KIAA1328: variants seen among roughly 807,000 people sequenced by gnomAD.
The protein encoded by KIAA1328 is KIAA1328.
In KIAA1328, 52 loss-of-function variants were observed where a neutral mutation model predicts 68.1. That is an observed-to-expected ratio of 0.76 (90% confidence interval 0.61 to 0.96). The LOEUF is 0.96. Ranked by LOEUF, KIAA1328 falls within the 40% of genes least tolerant of loss-of-function variation. KIAA1328 has a pLI of 0.00. For missense variants in KIAA1328, 641 were observed against 677.6 expected (o/e 0.95, Z 0.60); for synonymous variants, 232 against 239.4 (o/e 0.97, Z 0.28).
At chr18:37,110,975 A>G (rs1458907307) in intron 7 of KIAA1328, among the ~76,000 whole-genome samples, 2 of 152,138 alleles carry the variant, frequency 1.3e-5, no homozygotes, top group Admixed American at 6.5e-5. Flanking sequence ...GCAATTTGGC[A>G]TTGTGTCCTT....
chr18:36,946,766 T>C (rs577978273), intron 5 of KIAA1328, among the ~76,000 whole-genome samples: 18 of 152,318 alleles, frequency 1.2e-4, no homozygotes, highest in Non-Finnish European at 2.1e-4. Flanking sequence ...TATACTGAGC[T>C]ATTCAAAGAT....
In KIAA1328 at chr18:37,223,961, T is replaced by TA; in HGVS notation, c.*1734_*1735insA. Reference sequence around the variant, plus strand: ...TTGGAAAATCATTACAGATTAAAATTTCTTTATAAAGTTCACCTCTGAGAG... The same window carrying TA: ...TTGGAAAATCATTACAGATTAAAATTATCTTTATAAAGTTCACCTCTGAGAG... On this transcript the variant is annotated 3_prime_UTR_variant, in exon 10 of 10. Coordinates refer to ENST00000280020, the MANE Select transcript of KIAA1328 (RefSeq NM_020776.3). The TA allele has an allele frequency of 3.0e-6, 3 of 985,340 alleles. No individual in the cohort carries two copies. The highest frequency in any genetic ancestry group is 3.6e-6 in the Non-Finnish European group (3 of 829,840). 61.0% of individuals were successfully genotyped at this position (985,340 alleles called of 1,614,324 possible).
intron 1 of KIAA1328, among the ~76,000 whole-genome samples, chr18:36,830,485 C>T (rs936046600): frequency 2.6e-5 from 4 of 152,068 alleles, no homozygotes; most frequent in Non-Finnish European, 5.9e-5. Context: ...AGAAACACTG[C>T]TTCTGCATTG....
At chr18:36,967,881 AAAG>A (rs2052008219) in intron 6 of KIAA1328, among the ~76,000 whole-genome samples, 1 of 152,222 alleles carries the variant, frequency 6.6e-6, no homozygotes, top group Non-Finnish European at 1.5e-5. Context: ...ACACAACAGT[AAAG>A]AAAAAAGAAT....
At chr18:37,097,939 G>A (rs2057464175) in intron 7 of KIAA1328, among the ~76,000 whole-genome samples, 2 of 152,162 alleles carry the variant, frequency 1.3e-5, no homozygotes, top group Non-Finnish European at 2.9e-5. Flanking sequence ...CTGAGACTTT[G>A]CTGAAGTTGC....
At chr18:37,186,564 C>CAAAAAAAAAA (rs397858280) in intron 9 of KIAA1328, among the ~76,000 whole-genome samples, 1 of 73,176 alleles carries the variant, frequency 1.4e-5, no homozygotes. Context: ...GAAACCCTAT[C>CAAAAAAAAAA]AAAAAAAAAA....
intron 5 of KIAA1328, among the ~76,000 whole-genome samples, chr18:36,937,629 ATAAT>A (rs569964316): frequency 3.3e-4 from 50 of 152,336 alleles, no homozygotes; most frequent in Admixed American, 1.2e-3. Context: ...TTGACAAATA[ATAAT>A]TAAGAAGTAT....
chr18:36,832,708 G>T (rs1378967992), intron 1 of KIAA1328: 1 of 151,958 alleles, frequency 6.6e-6, no homozygotes, highest in African/African-American at 2.4e-5. Context: ...TTCATAGATG[G>T]AGCCAGACAT....
chr18:37,143,804 T>C (rs1479525017), intron 7 of KIAA1328, among the ~76,000 whole-genome samples: 1 of 152,130 alleles, frequency 6.6e-6, no homozygotes, highest in African/African-American at 2.4e-5. Flanking sequence ...GCTCCTTTTT[T>C]CTTTTAGTGG....
chr18:36,949,602 C>CG (rs1556833375), intron 5 of KIAA1328, among the ~76,000 whole-genome samples: 16 of 99,728 alleles, frequency 1.6e-4, no homozygotes, highest in South Asian at 1.0e-3. Context: ...CCAGCTCCCC[C>CG]CCCCCCACCC....
chr18:36,883,969 T>TATAC (rs1032694969), intron 4 of KIAA1328, among the ~76,000 whole-genome samples: 1 of 148,742 alleles, frequency 6.7e-6, no homozygotes, highest in African/African-American at 2.5e-5. Flanking sequence ...TATATATATA[T>TATAC]ACACACACAG....
intron 5 of KIAA1328, among the ~76,000 whole-genome samples, chr18:36,933,307 G>T (rs905282846): frequency 2.0e-5 from 3 of 152,104 alleles, no homozygotes; most frequent in African/African-American, 7.2e-5. Context: ...TGGTGGTGGA[G>T]AGAGAGATAA....
chr18:36,830,581 G>T (rs959564835), intron 1 of KIAA1328, among the ~76,000 whole-genome samples: 1 of 149,998 alleles, frequency 6.7e-6, no homozygotes. Flanking sequence ...TCAATGGTTT[G>T]GGGGGGGGAC....
At position 37,016,693 on chromosome 18, in the gene KIAA1328, G is replaced by T. The variant is rs143032345; in HGVS notation, c.577-50197G>T. Among the ~76,000 whole-genome samples, 1,213 of 152,138 alleles carry T rather than the reference G, an allele frequency of 8.0e-3. 14 individuals are homozygous for T. The highest frequency in any genetic ancestry group is 0.014 in the Non-Finnish European group (922 of 67,976). ...TTCAGTTTCTTCCTGATTCAATTTT[G>T]GGAGATTGTGTGTTTCCAGGAATTT... On this transcript the variant is annotated intron_variant, in intron 6 of 9. Transcript: ENST00000280020.
chr18:36,949,996 A>C (rs940079263), intron 5 of KIAA1328, among the ~76,000 whole-genome samples: 1 of 152,218 alleles, frequency 6.6e-6, no homozygotes, highest in African/African-American at 2.4e-5. Context: ...ACAGGTGTAA[A>C]TATTTATGTG....
At chr18:37,077,349 A>G (rs558408921) in intron 7 of KIAA1328, among the ~76,000 whole-genome samples, 1 of 143,964 alleles carries the variant, frequency 6.9e-6, no homozygotes, top group Admixed American at 6.7e-5. Flanking sequence ...AATAAGAGCT[A>G]TCTATGACAA....
intron 5 of KIAA1328, among the ~76,000 whole-genome samples, chr18:36,937,557 A>G (rs2050549960): frequency 6.6e-6 from 1 of 152,236 alleles, no homozygotes; most frequent in East Asian, 1.9e-4. Context: ...ATATGAACAG[A>G]CACTTCTCAA....
intron 6 of KIAA1328, among the ~76,000 whole-genome samples, chr18:36,991,958 A>T (rs1232649634): frequency 1.3e-5 from 2 of 152,354 alleles, no homozygotes; most frequent in Non-Finnish European, 2.9e-5. Context: ...GGCCACCACC[A>T]TAACAGACTC....
intron 6 of KIAA1328, chr18:37,063,560 C>T (rs72890598): frequency 3.7e-5 from 30 of 811,602 alleles, no homozygotes; most frequent in African/African-American, 2.1e-4. Flanking sequence ...ATAAAAGTTG[C>T]GTACACTAGG....
Sources: allele counts gnomAD v4.1 joint callset (sites outside exome capture counted in the v4.1 genomes callset), GRCh38; gene constraint gnomAD v4.1.1; transcripts MANE v1.5; gene names NCBI Gene and HGNC (gene_info 2026-07-23, HGNC 2026-07-21).